The following TCN2 variants were observed in gnomAD, a reference collection of about 807,000 sequenced individuals.
TCN2 encodes transcobalamin-2.
Under a neutral mutation model 48.6 loss-of-function variants are expected in TCN2, and 34 were observed. The ratio of observed to expected loss-of-function variants is 0.70; its 90% CI spans 0.53 to 0.93. The LOEUF (loss-of-function observed/expected upper bound fraction) is 0.93, where lower values mean the gene tolerates loss of function less well. Among genes scored for constraint, TCN2 ranks in the 40% least tolerant of loss-of-function variants. The pLI, the probability that TCN2 is intolerant of heterozygous loss-of-function variation, is 0.00. For missense variants in TCN2, 652 were observed against 526.1 expected (o/e 1.24, Z -2.34); for synonymous variants, 283 against 212.5 (o/e 1.33, Z -2.89).
intron 2 of TCN2, among the ~76,000 whole-genome samples, chr22:30,612,253 A>AAT (rs2087552451): frequency 6.6e-6 from 1 of 151,612 alleles, no homozygotes; most frequent in African/African-American, 2.4e-5. Context: ...AGTAAAAAAA[A>AAT]AAAATAAAAA....
intron 3 of TCN2, among the ~76,000 whole-genome samples, chr22:30,613,917 C>T (rs2087574881): frequency 6.6e-6 from 1 of 152,168 alleles, no homozygotes; most frequent in South Asian, 2.1e-4. Context: ...CCAGTTTTTT[C>T]ATACAGGCTC....
rs1484880205 is a variant in TCN2 at position 30,614,386 on chromosome 22, C to T, written c.465C>T (p.Tyr155=). 1.9e-6 allele frequency: 3 copies of T among 1,614,172 alleles called. No individual in the cohort carries two copies. In the Admixed American group the frequency reaches 5.0e-5, roughly 27 times the overall value. The part of the protein sequence containing the change: ...DHKGHPHTSY[Y]QYGLGILALC... The stretch of plus-strand genomic sequence containing the variant: ...AGGGCCACCCCCACACTAGCTACTA[C>T]CAGTATGGCCTGGGCATTCTGGCCC... The change falls in exon 4 of 9, where the codon TAC becomes TAT. Residue 155 remains tyrosine, a synonymous_variant. Coordinates refer to ENST00000215838, the MANE Select transcript of TCN2 (RefSeq NM_000355.4).
intron 1 of TCN2, chr22:30,610,333 T>C (rs900082102): frequency 2.1e-6 from 1 of 470,594 alleles, no homozygotes. Context: ...GGAAATTTGA[T>C]GTGTAACACG....
intron 8 of TCN2, among the ~76,000 whole-genome samples, chr22:30,625,356 A>G (rs903255619): frequency 5.3e-5 from 8 of 152,080 alleles, no homozygotes; most frequent in Admixed American, 1.3e-4. Flanking sequence ...GTGTTCTCAC[A>G]TGGTGGAAGG....
At chr22:30,624,103 C>G (rs5753249) in intron 8 of TCN2, among the ~76,000 whole-genome samples, 1 of 64,798 alleles carries the variant, frequency 1.5e-5, no homozygotes, top group Non-Finnish European at 3.8e-5. Flanking sequence ...GAGATGGAGT[C>G]TTGCTCTGTT....
intron 7 of TCN2, among the ~76,000 whole-genome samples, chr22:30,618,800 C>A (rs932837111): frequency 6.6e-6 from 1 of 152,002 alleles, no homozygotes; most frequent in Non-Finnish European, 1.5e-5. Flanking sequence ...GATGGAGTCT[C>A]CCTCTGTCGC....
chr22:30,614,637 T>C (rs2087587566), intron 4 of TCN2, 136 bp downstream of exon 4: 1 of 1,310,292 alleles, frequency 7.6e-7, no homozygotes, highest in Non-Finnish European at 1.1e-6. Context: ...TAGGGACGAA[T>C]TGGCGAGGGC....
At position 30,626,749 on chromosome 22, in the gene TCN2, C is replaced by G. The variant is rs1265282893; in HGVS notation, c.*228C>G. ...CCCTGGGAAGTCTTTCTGGCCAAGT[C>G]TGGCCAGCCTGGCCCTGCAGGTCTC... On this transcript the variant is annotated 3_prime_UTR_variant, in exon 9 of 9. Transcript: ENST00000215838. The G allele has an allele frequency of 6.6e-6, 4 of 606,054 alleles. No homozygotes were observed. Among genetic ancestry groups the G allele is most frequent in the Admixed American group, 5.4e-5 (2 of 37,226 alleles). 37.5% of individuals were successfully genotyped at this position (606,054 alleles called of 1,614,324 possible). A position where few individuals can be genotyped will look rare whatever the true frequency, so the allele number is the denominator to read the frequency against.
chr22:30,624,489 G>T (rs1407097435), intron 8 of TCN2, among the ~76,000 whole-genome samples: 2 of 152,154 alleles, frequency 1.3e-5, no homozygotes, highest in Admixed American at 1.3e-4. Context: ...ATTGTGGCGA[G>T]TGCTTATAGA....
Position 30,624,082 on chromosome 22 carries a change from T to TA in TCN2, c.1222+999_1222+1000insA, listed in dbSNP as rs1569047380. Among the ~76,000 whole-genome samples, 95 of 80,958 alleles carry TA rather than the reference T, an allele frequency of 1.2e-3. 25 individuals are homozygous for TA. The highest frequency in any genetic ancestry group is 1.9e-3 in the Non-Finnish European group (81 of 41,628). The allele number at this position is 80,958 out of a possible 152,430, so 53.1% of individuals were successfully genotyped here. On this transcript the variant is annotated intron_variant, in intron 8 of 8. Transcript: ENST00000215838. ...CACACATATATATATATATATATAT[T>TA]TTTTTTTTTTGAGATGGAGTCTTGC...
intron 8 of TCN2, among the ~76,000 whole-genome samples, chr22:30,623,791 T>C (rs376457593): frequency 3.1e-4 from 1 of 3,222 alleles, no homozygotes; most frequent in African/African-American, 1.8e-3. Context: ...TATGTATACA[T>C]ATATACACAC....
chr22:30,607,700 C>T (rs556281712), intron 1 of TCN2, among the ~76,000 whole-genome samples: 1 of 152,190 alleles, frequency 6.6e-6, no homozygotes, highest in South Asian at 2.1e-4. Context: ...TAATCCCTGC[C>T]ATCCTAGAGC....
chr22:30,610,590 C>T (rs1464447052), intron 1 of TCN2, among the ~76,000 whole-genome samples: 2 of 152,262 alleles, frequency 1.3e-5, no homozygotes, highest in African/African-American at 2.4e-5. Flanking sequence ...ACTGTCACTG[C>T]TGATGGGCAG....
In TCN2 at chr22:30,626,688, C is replaced by T. The variant is rs1263602128; in HGVS notation, c.*167C>T. 22 of 728,468 alleles carry T rather than the reference C, an allele frequency of 3.0e-5. No individual in the cohort carries two copies. The highest frequency in any genetic ancestry group is 4.3e-5 in the Non-Finnish European group (18 of 417,026). The allele number at this position is 728,468 out of a possible 1,614,324, so 45.1% of individuals were successfully genotyped here. A position where few individuals can be genotyped will look rare whatever the true frequency, so the allele number is the denominator to read the frequency against. ...CCACAAGCCCTTCGAGGGCCCTATA[C>T]CATGGCCCACCTTGGAGCAGAGAGC... On this transcript the variant is annotated 3_prime_UTR_variant, in exon 9 of 9. Transcript: ENST00000215838.
intron 1 of TCN2, among the ~76,000 whole-genome samples, chr22:30,609,159 C>CTT (rs949674610): frequency 3.5e-5 from 5 of 143,086 alleles, no homozygotes; most frequent in Middle Eastern, 3.7e-3. Context: ...CTTTCTTCTT[C>CTT]TTTTTTTTTT....
intron 6 of TCN2, 121 bp downstream of exon 6, chr22:30,615,908 A>G: frequency 8.0e-7 from 1 of 1,253,146 alleles, no homozygotes; most frequent in Non-Finnish European, 1.2e-6. Context: ...GTGGGTGTGC[A>G]TGGGACACAG....
intron 4 of TCN2, 50 bp from the exon 5 acceptor site, chr22:30,615,251 T>C: frequency 6.2e-7 from 1 of 1,608,598 alleles, no homozygotes; most frequent in Non-Finnish European, 8.5e-7. Context: ...CTGCCTGTCC[T>C]GGCCCCTTTG....
intron 7 of TCN2, among the ~76,000 whole-genome samples, chr22:30,622,107 C>T (rs2087708410): frequency 6.6e-6 from 1 of 152,222 alleles, no homozygotes; most frequent in Non-Finnish European, 1.5e-5. Flanking sequence ...CCTGCCTTAG[C>T]CTCCCCAGTA....
chr22:30,610,999 G>A lies in TCN2; in HGVS notation c.193G>A (p.Ala65Thr), dbSNP rs1159823738. The change falls in exon 2 of 9, where the codon GCT (alanine) becomes ACT (threonine). Residue 65 changes from alanine (A) to threonine (T), a missense_variant. Transcript: ENST00000215838. ...GGGCCTACGCCTCTCCAGTCTGCAG[G>A]CTGGGACCAAGGAAGACCTCTACCT... ...YVGLRLSSLQ[A>T]GTKEDLYLHS... 1.2e-6 allele frequency: 2 copies of A among 1,614,172 alleles called. No homozygotes were observed. The highest frequency in any genetic ancestry group is 8.5e-7 in the Non-Finnish European group (1 of 1,180,032).
Sources: gnomAD v4.1 joint callset for allele counts (sites outside exome capture counted in the v4.1 genomes callset) on GRCh38, gnomAD v4.1.1 for gene constraint, MANE v1.5 for transcripts, NCBI Gene and HGNC (gene_info 2026-07-23, HGNC 2026-07-21) for gene names.